FBXL7: variants seen among roughly 807,000 people sequenced by gnomAD.
The protein encoded by FBXL7 is F-box/LRR-repeat protein 7.
In FBXL7, 12 loss-of-function variants were observed where a neutral mutation model predicts 38.3. That is an observed-to-expected ratio of 0.31 (90% CI 0.20 to 0.51). FBXL7 has a LOEUF of 0.51. Ranked by LOEUF, FBXL7 falls within the 20% of genes least tolerant of loss-of-function variation. The pLI is 0.98. For missense variants in FBXL7, 567 were observed against 676.4 expected (o/e 0.84, Z 1.79); for synonymous variants, 297 against 300.9 (o/e 0.99, Z 0.13).
intron 2 of FBXL7, among the ~76,000 whole-genome samples, chr5:15,690,132 A>G (rs985984252): frequency 6.6e-6 from 1 of 152,102 alleles, no homozygotes; most frequent in Non-Finnish European, 1.5e-5. Context: ...CCTTTTCTAT[A>G]TTTTTTTAAA....
At chr5:15,898,419 G>C (rs1561180988) in intron 2 of FBXL7, among the ~76,000 whole-genome samples, 3 of 152,178 alleles carry the variant, frequency 2.0e-5, no homozygotes, top group African/African-American at 7.2e-5. Flanking sequence ...CCACGAGACT[G>C]ATTGATAGAC....
chr5:15,847,807 T>C (rs1738957749), intron 2 of FBXL7, among the ~76,000 whole-genome samples: 1 of 152,128 alleles, frequency 6.6e-6, no homozygotes, highest in African/African-American at 2.4e-5. Flanking sequence ...AGAAGTAAAC[T>C]GCCATGTTGT....
chr5:15,521,014 C>T (rs1018519940), intron 1 of FBXL7, among the ~76,000 whole-genome samples: 3 of 152,136 alleles, frequency 2.0e-5, no homozygotes, highest in East Asian at 1.9e-4. Flanking sequence ...TGCAAAATCC[C>T]GTATGAGTTA....
intron 2 of FBXL7, among the ~76,000 whole-genome samples, chr5:15,734,156 C>T (rs1441867890): frequency 5.3e-5 from 8 of 152,152 alleles, no homozygotes; most frequent in Admixed American, 6.5e-5. Flanking sequence ...CCTTTGCTGC[C>T]GCCCAGTCCC....
intron 2 of FBXL7, among the ~76,000 whole-genome samples, chr5:15,834,675 G>C (rs1211966650): frequency 6.6e-6 from 1 of 152,138 alleles, no homozygotes; most frequent in African/African-American, 2.4e-5. Flanking sequence ...GCCTTAACTG[G>C]CTTCTCTTCA....
chr5:15,782,542 A>C (rs1737025645), intron 2 of FBXL7, among the ~76,000 whole-genome samples: 1 of 152,062 alleles, frequency 6.6e-6, no homozygotes, highest in South Asian at 2.1e-4. Flanking sequence ...ATGGTATCTC[A>C]TTGTGGTTTT....
chr5:15,933,847 G>A (rs543976075), intron 3 of FBXL7, among the ~76,000 whole-genome samples: 19 of 152,276 alleles, frequency 1.2e-4, no homozygotes, highest in Admixed American at 2.6e-4. Flanking sequence ...AGAAGTGTCC[G>A]AAGTGAGGCG....
intron 2 of FBXL7, among the ~76,000 whole-genome samples, chr5:15,791,351 T>C (rs1737272442): frequency 6.6e-6 from 1 of 152,188 alleles, no homozygotes; most frequent in African/African-American, 2.4e-5. Context: ...CATTATCTTC[T>C]CTCCCTGAAG....
Position 15,817,009 on chromosome 5 carries a change from T to C in FBXL7, c.128-110881T>C, listed in dbSNP as rs114141166. On this transcript the variant is annotated intron_variant, in intron 2 of 3. Transcript: ENST00000504595. ...TTCCTTAGCTCCATGCAAAGTTATG[T>C]GGCTGATGGTGAGGGAATGGTAAGT... Among the ~76,000 whole-genome samples, 463 of 152,338 alleles carry C rather than the reference T, an allele frequency of 3.0e-3. 3 individuals are homozygous for C. The highest frequency in any genetic ancestry group is 0.011 in the African/African-American group (449 of 41,580).
At chr5:15,716,274 C>T (rs1004786596) in intron 2 of FBXL7, among the ~76,000 whole-genome samples, 5 of 152,166 alleles carry the variant, frequency 3.3e-5, no homozygotes, top group African/African-American at 4.8e-5. Flanking sequence ...CCAAAGAAAT[C>T]GCTGTATGTA....
chr5:15,615,095 T>C (rs1740401004), intron 1 of FBXL7, among the ~76,000 whole-genome samples: 1 of 152,122 alleles, frequency 6.6e-6, no homozygotes, highest in South Asian at 2.1e-4. Flanking sequence ...CCACAGTCAG[T>C]AGGTTTCTCC....
At chr5:15,831,414 G>A (rs1035091599) in intron 2 of FBXL7, among the ~76,000 whole-genome samples, 4 of 152,182 alleles carry the variant, frequency 2.6e-5, no homozygotes, top group Non-Finnish European at 4.4e-5. Flanking sequence ...CCGCATAGCC[G>A]AGGACCTGGC....
intron 2 of FBXL7, among the ~76,000 whole-genome samples, chr5:15,781,732 C>T (rs773816624): frequency 6.6e-6 from 1 of 152,060 alleles, no homozygotes; most frequent in Non-Finnish European, 1.5e-5. Flanking sequence ...AAGCAATATG[C>T]ATAGCTAGAC....
At chr5:15,845,157 G>A (rs1410310211) in intron 2 of FBXL7, among the ~76,000 whole-genome samples, 1 of 152,186 alleles carries the variant, frequency 6.6e-6, no homozygotes, top group African/African-American at 2.4e-5. Context: ...ACTGCTGGGT[G>A]AAAATTCTTC....
At chr5:15,638,730 G>A (rs1206552153) in intron 2 of FBXL7, among the ~76,000 whole-genome samples, 1 of 152,078 alleles carries the variant, frequency 6.6e-6, no homozygotes, top group Non-Finnish European at 1.5e-5. Flanking sequence ...TGTACACCTG[G>A]TCCTTGCAAA....
intron 2 of FBXL7, among the ~76,000 whole-genome samples, chr5:15,776,286 T>C (rs1013076602): frequency 4.6e-5 from 7 of 152,118 alleles, no homozygotes; most frequent in Admixed American, 3.3e-4. Context: ...TTAACCTATT[T>C]GCTGTTACCC....
chr5:15,884,433 A>AT (rs1348822223), intron 2 of FBXL7, among the ~76,000 whole-genome samples: 2 of 151,804 alleles, frequency 1.3e-5, no homozygotes, highest in Non-Finnish European at 1.5e-5. Flanking sequence ...CGCCCGGCTA[A>AT]TTTTTTGTAT....
intron 2 of FBXL7, among the ~76,000 whole-genome samples, chr5:15,750,373 C>A (rs1228130465): frequency 6.6e-6 from 1 of 152,208 alleles, no homozygotes; most frequent in Non-Finnish European, 1.5e-5. Flanking sequence ...AATGCTCCAG[C>A]TGACCTCACA....
At chr5:15,654,456 T>A (rs1741813091) in intron 2 of FBXL7, among the ~76,000 whole-genome samples, 1 of 150,054 alleles carries the variant, frequency 6.7e-6, no homozygotes, top group African/African-American at 2.4e-5. Flanking sequence ...TTTCTAACAA[T>A]CTACTTACCA....
Sources: allele counts gnomAD v4.1 joint callset (sites outside exome capture counted in the v4.1 genomes callset), GRCh38; gene constraint gnomAD v4.1.1; transcripts MANE v1.5; gene names NCBI Gene and HGNC (gene_info 2026-07-23, HGNC 2026-07-21).